Variants in PIK3C2G observed in about 807,000 individuals in gnomAD.
PIK3C2G encodes phosphatidylinositol-4-phosphate 3-kinase catalytic subunit type 2 gamma, also known as phosphatidylinositol 3-kinase C2 domain-containing subunit gamma.
In PIK3C2G, 168 loss-of-function variants were observed where a neutral mutation model predicts 181.1. The observed-to-expected ratio is 0.93, with a 90% CI of 0.82 to 1.05. The LOEUF (loss-of-function observed/expected upper bound fraction) is 1.05. PIK3C2G is among the 50% of genes least tolerant of loss of function. PIK3C2G has a pLI of 0.00. For synonymous variants in PIK3C2G, 573 were observed against 592.2 expected, an observed-to-expected ratio of 0.97 and a Z score of 0.47; for missense variants, 1,869 against 1,732.8, an observed-to-expected ratio of 1.08 and a Z score of -1.40.
rs1940360813 is a variant in PIK3C2G at position 18,352,931 on chromosome 12, C to T, written c.1625+6095C>T. On this transcript the variant is annotated intron_variant, in intron 11 of 32. Coordinates refer to ENST00000538779, the MANE Select transcript of PIK3C2G (RefSeq NM_001288772.2). Reference sequence around the variant, plus strand: ...GCCACTCCACCACTCAGCTGCTCTGCCACCCCTCTGCCAGTGGACCCTGGG... The same window carrying T: ...GCCACTCCACCACTCAGCTGCTCTGTCACCCCTCTGCCAGTGGACCCTGGG... 2.0e-5 allele frequency among the ~76,000 whole-genome samples: 3 copies of T among 152,142 alleles called. No individual in the cohort carries two copies. In the South Asian group the frequency reaches 6.2e-4, roughly 32 times the overall value.
Position 18,282,507 on chromosome 12 carries a change from T to C in PIK3C2G, c.426T>C (p.Ser142=), listed in dbSNP as rs71539451. The change falls in exon 2 of 33, where the codon AGT becomes AGC. Residue 142 remains serine (S), a synonymous_variant. Transcript: ENST00000538779. ...KHHGADDSRF[S]ILAPSFTSLD... The stretch of plus-strand genomic sequence containing the variant: ...ATGGTGCTGATGATTCCAGATTCAG[T>C]ATTTTAGCTCCATCATTCACAAGTT... 8.6e-4 allele frequency: 1,383 copies of C among 1,612,324 alleles called. 6 individuals are homozygous for C. Among genetic ancestry groups the C allele is most frequent in the African/African-American group, 7.0e-3 (528 of 75,024 alleles).
At position 18,313,983 on chromosome 12, in the gene PIK3C2G, C is replaced by T. The variant is rs773449801; in HGVS notation, c.1056C>T (p.His352=). ...TCAGCGACCACTGTTTGGGGAGCCACAAAATGTTTCAAAAAGATAAATCTG... is the reference window on the plus strand; with the variant it reads ...TCAGCGACCACTGTTTGGGGAGCCATAAAATGTTTCAAAAAGATAAATCTG... ...FLQNDHCLGS[H]KMFQKDKSVI... is the part of the protein sequence containing the mutation. The change falls in exon 6 of 33, where the codon CAC becomes CAT. Residue 352 remains histidine, a synonymous_variant. Coordinates refer to ENST00000538779, the MANE Select transcript of PIK3C2G (RefSeq NM_001288772.2). 2 of 1,586,732 alleles carry T rather than the reference C, an allele frequency of 1.3e-6. No homozygotes were observed. The highest frequency in any genetic ancestry group is 1.2e-5 in the South Asian group (1 of 86,598).
At chr12:18,635,554 A>C (rs574142928) in intron 31 of PIK3C2G, among the ~76,000 whole-genome samples, 3 of 152,334 alleles carry the variant, frequency 2.0e-5, no homozygotes, top group African/African-American at 7.2e-5. Flanking sequence ...ATTTCTCAAA[A>C]GGAGACAGGT....
chr12:18,385,163 C>T (rs1432401212), intron 14 of PIK3C2G, among the ~76,000 whole-genome samples: 1 of 152,160 alleles, frequency 6.6e-6, no homozygotes, highest in East Asian at 1.9e-4. Context: ...AGTCACCTAA[C>T]CTATTTTATC....
chr12:18,401,087 AG>A (rs1944226957), intron 16 of PIK3C2G, among the ~76,000 whole-genome samples: 1 of 152,122 alleles, frequency 6.6e-6, no homozygotes, highest in Middle Eastern at 3.2e-3. Context: ...CATCTGACTC[AG>A]AGCTACTCAA....
chr12:18,423,350 C>A (rs1945598255), intron 17 of PIK3C2G, among the ~76,000 whole-genome samples: 1 of 152,130 alleles, frequency 6.6e-6, no homozygotes, highest in South Asian at 2.1e-4. Context: ...ACAGATGAAG[C>A]CCTAAATTAG....
chr12:18,596,365 G>C (rs950557654), intron 30 of PIK3C2G, among the ~76,000 whole-genome samples: 3 of 151,924 alleles, frequency 2.0e-5, no homozygotes, highest in African/African-American at 7.3e-5. Flanking sequence ...ACTCAACAAA[G>C]CAGTAACCAA....
intron 24 of PIK3C2G, among the ~76,000 whole-genome samples, chr12:18,509,073 A>T (rs1362056063): frequency 5.3e-5 from 8 of 152,004 alleles, no homozygotes; most frequent in African/African-American, 1.7e-4. Context: ...ATTTTTTGAG[A>T]TGGAGTCTCG....
chr12:18,561,428 A>T (rs754901048), intron 26 of PIK3C2G, among the ~76,000 whole-genome samples: 2 of 152,166 alleles, frequency 1.3e-5, no homozygotes, highest in Admixed American at 6.5e-5. Context: ...GTAGTGAGCT[A>T]CTATCTCACC....
At chr12:18,408,694 G>A (rs1253172673) in intron 16 of PIK3C2G, among the ~76,000 whole-genome samples, 1 of 151,860 alleles carries the variant, frequency 6.6e-6, no homozygotes, top group Non-Finnish European at 1.5e-5. Context: ...AATCTACGAA[G>A]AACTTAAACA....
intron 31 of PIK3C2G, among the ~76,000 whole-genome samples, chr12:18,617,459 A>T (rs1948654011): frequency 6.6e-6 from 1 of 152,210 alleles, no homozygotes; most frequent in African/African-American, 2.4e-5. Context: ...TCACCAAAAG[A>T]GAGAAAATTT....
intron 31 of PIK3C2G, among the ~76,000 whole-genome samples, chr12:18,623,418 C>T (rs866397891): frequency 6.6e-6 from 1 of 151,768 alleles, no homozygotes; most frequent in Non-Finnish European, 1.5e-5. Flanking sequence ...TACGCCAGTA[C>T]TAGCTGTTTA....
chr12:18,346,284 A>G (rs1421465753), intron 10 of PIK3C2G, among the ~76,000 whole-genome samples: 2 of 152,344 alleles, frequency 1.3e-5, no homozygotes, highest in East Asian at 1.9e-4. Context: ...TAAGCCATCT[A>G]TATTCCTTGT....
intron 30 of PIK3C2G, among the ~76,000 whole-genome samples, chr12:18,598,117 A>G (rs1163773869): frequency 3.3e-5 from 5 of 152,154 alleles, no homozygotes; most frequent in Non-Finnish European, 4.4e-5. Context: ...CAAGCTACCA[A>G]TGACTTTCTT....
the PIK3C2G span, among the ~76,000 whole-genome samples, chr12:18,675,316 T>C: frequency 1.3e-5 from 2 of 152,126 alleles, no homozygotes; most frequent in South Asian, 4.1e-4. Context: ...CACTCTGTTT[T>C]GGGGAAAGTT....
At chr12:18,253,347 A>G (rs1176991223) in intron 1 of PIK3C2G, among the ~76,000 whole-genome samples, 1 of 152,226 alleles carries the variant, frequency 6.6e-6, no homozygotes, top group African/African-American at 2.4e-5. Flanking sequence ...CAAAAGGCAC[A>G]GAAGCAGGAT....
At chr12:18,685,160 G>GAT in the PIK3C2G span, among the ~76,000 whole-genome samples, 3 of 152,030 alleles carry the variant, frequency 2.0e-5, no homozygotes, top group Non-Finnish European at 4.4e-5. Flanking sequence ...CTGAAAGCTA[G>GAT]ATAACAAACT....
intron 15 of PIK3C2G, among the ~76,000 whole-genome samples, chr12:18,391,554 A>G (rs560745574): frequency 7.2e-5 from 11 of 152,316 alleles, no homozygotes; most frequent in East Asian, 1.9e-4. Context: ...GTGATAAACC[A>G]TCTCTCAACC....
At chr12:18,369,960 G>A (rs1592085082) in intron 12 of PIK3C2G, among the ~76,000 whole-genome samples, 1 of 36,300 alleles carries the variant, frequency 2.8e-5, no homozygotes, top group African/African-American at 1.2e-4. Flanking sequence ...TATAACGATC[G>A]TATAATTGAC....
Sources: allele counts gnomAD v4.1 joint callset (sites outside exome capture counted in the v4.1 genomes callset), GRCh38; gene constraint gnomAD v4.1.1; transcripts MANE v1.5; gene names NCBI Gene and HGNC (gene_info 2026-07-23, HGNC 2026-07-21).